The following AOAH variants were observed in gnomAD, a reference collection of about 807,000 sequenced individuals.
The protein encoded by AOAH is acyloxyacyl hydrolase, also known as acyloxyacyl hydrolase (neutrophil).
AOAH carries 64 observed loss-of-function variants against 92.2 expected under a neutral mutation model. The observed-to-expected ratio is 0.69, with a 90% CI of 0.57 to 0.86. The LOEUF is 0.86. AOAH is among the 40% of genes least tolerant of loss of function. AOAH has a pLI of 0.00. For missense variants in AOAH, 656 were observed against 694.6 expected (o/e 0.94, Z 0.62); for synonymous variants, 263 against 254.5 (o/e 1.03, Z -0.32).
intron 2 of AOAH, among the ~76,000 whole-genome samples, chr7:36,674,293 T>C (rs529424255): frequency 6.6e-6 from 1 of 152,376 alleles, no homozygotes; most frequent in East Asian, 1.9e-4. Flanking sequence ...TTTCTTTCTT[T>C]TTTTTCTACA....
chr7:36,530,343 T>G (rs1358211915), intron 19 of AOAH, 75 bp downstream of exon 19: 13 of 1,071,514 alleles, frequency 1.2e-5, no homozygotes, highest in Admixed American at 1.7e-5. Flanking sequence ...CTTATAAAAG[T>G]ATAAAACCAG....
chr7:36,660,522 G>A (rs986666776), intron 3 of AOAH, among the ~76,000 whole-genome samples: 8 of 152,058 alleles, frequency 5.3e-5, no homozygotes, highest in African/African-American at 9.7e-5. Flanking sequence ...TCACTGTGTC[G>A]GTCAGGCTGG....
At chr7:36,517,220 C>CTTTCTTTT (rs1562854015) in intron 20 of AOAH, among the ~76,000 whole-genome samples, 1 of 54,170 alleles carries the variant, frequency 1.8e-5, no homozygotes, top group Admixed American at 2.3e-4. Context: ...CTTTCTCTTT[C>CTTTCTTTT]TTTCTGTCTC....
chr7:36,624,652 G>A (rs535736942), intron 6 of AOAH, among the ~76,000 whole-genome samples: 1 of 152,344 alleles, frequency 6.6e-6, no homozygotes, highest in Non-Finnish European at 1.5e-5. Context: ...GGAGAAGTTG[G>A]TTTCCCGCTC....
At chr7:36,531,599 C>A (rs1170102755) in intron 18 of AOAH, among the ~76,000 whole-genome samples, 1 of 152,186 alleles carries the variant, frequency 6.6e-6, no homozygotes, top group Admixed American at 6.5e-5. Flanking sequence ...CCTCCCACCT[C>A]AGCCTCCCAA....
At chr7:36,672,461 G>C (rs1447812927) in intron 3 of AOAH, among the ~76,000 whole-genome samples, 2 of 152,194 alleles carry the variant, frequency 1.3e-5, no homozygotes, top group African/African-American at 4.8e-5. Context: ...ATGAGTGCTC[G>C]TCCTTTGCAG....
chr7:36,583,153 C>CA (rs1350978630), intron 12 of AOAH, among the ~76,000 whole-genome samples: 1 of 152,066 alleles, frequency 6.6e-6, no homozygotes, highest in Non-Finnish European at 1.5e-5. Context: ...TATGAGTCTC[C>CA]ATTAAGTTGA....
intron 3 of AOAH, among the ~76,000 whole-genome samples, chr7:36,662,615 T>C (rs1030545658): frequency 1.3e-5 from 2 of 152,368 alleles, no homozygotes; most frequent in South Asian, 2.1e-4. Flanking sequence ...AATAGGGCTC[T>C]GGTTAATCTT....
intron 12 of AOAH, among the ~76,000 whole-genome samples, chr7:36,587,651 A>C (rs1403383882): frequency 6.6e-6 from 1 of 152,178 alleles, no homozygotes; most frequent in East Asian, 1.9e-4. Flanking sequence ...ATTTTTGTTA[A>C]TATTGCTACA....
chr7:36,541,420 G>A (rs1785416892), intron 15 of AOAH, among the ~76,000 whole-genome samples: 2 of 152,214 alleles, frequency 1.3e-5, no homozygotes, highest in Non-Finnish European at 1.5e-5. Flanking sequence ...GCTCCTAAGT[G>A]AGCTGAAAGT....
In AOAH at chr7:36,706,295, G is replaced by A. The variant is rs116437988; in HGVS notation, c.127+17727C>T. On this transcript the variant is annotated intron_variant, in intron 1 of 20. Transcript: ENST00000617537. ...CTGTACCTCTTCATCAGCGCTCTTG[G>A]ATGACCAGGTGCATTGTCAATGAGC... Among the ~76,000 whole-genome samples the A allele has an allele frequency of 3.9e-3, 587 of 152,210 alleles. 8 individuals carry two copies. Among genetic ancestry groups the A allele is most frequent in the African/African-American group, 0.014 (562 of 41,554 alleles).
chr7:36,545,809 T>C (rs1785767624), intron 15 of AOAH, among the ~76,000 whole-genome samples: 1 of 152,240 alleles, frequency 6.6e-6, no homozygotes, highest in Admixed American at 6.5e-5. Context: ...GTTTCAGGGA[T>C]GCTGCGCTGG....
At chr7:36,567,128 A>G (rs1787772546) in intron 13 of AOAH, among the ~76,000 whole-genome samples, 1 of 152,090 alleles carries the variant, frequency 6.6e-6, no homozygotes, top group African/African-American at 2.4e-5. Flanking sequence ...CTAAAACTTA[A>G]ATAAATTTTC....
At chr7:36,543,947 C>CTTTCTTTTTTTT (rs55745823) in intron 15 of AOAH, among the ~76,000 whole-genome samples, 69 of 90,996 alleles carry the variant, frequency 7.6e-4, no homozygotes, top group South Asian at 8.6e-4. Flanking sequence ...TTCTTTCTTT[C>CTTTCTTTTTTTT]TTTTTTTTTT....
At position 36,714,439 on chromosome 7, in the gene AOAH, T is replaced by A. The variant is rs543731286; in HGVS notation, c.127+9583A>T. Among the ~76,000 whole-genome samples, 4 of 152,218 alleles carry A rather than the reference T, an allele frequency of 2.6e-5. No homozygotes were observed. In the South Asian group the frequency reaches 8.3e-4, roughly 32 times the overall value. On this transcript the variant is annotated intron_variant, in intron 1 of 20. Coordinates refer to ENST00000617537, the MANE Select transcript of AOAH (RefSeq NM_001637.4). ...ACCATTCCTTCTGAAACTATTCCAA[T>A]CAATAGAAAAAGAGGGAATCCTCCC...
chr7:36,712,104 G>A (rs1051737068), intron 1 of AOAH, among the ~76,000 whole-genome samples: 2 of 152,194 alleles, frequency 1.3e-5, no homozygotes, highest in African/African-American at 2.4e-5. Context: ...ATTTCTGTGT[G>A]TCTAAGTCGT....
intron 12 of AOAH, among the ~76,000 whole-genome samples, chr7:36,585,167 G>A (rs1213672539): frequency 1.3e-5 from 2 of 151,996 alleles, no homozygotes; most frequent in African/African-American, 2.4e-5. Flanking sequence ...AAATGTAGCT[G>A]AAGACAGAGA....
intron 4 of AOAH, among the ~76,000 whole-genome samples, chr7:36,645,668 A>G (rs1794181081): frequency 6.6e-6 from 1 of 152,282 alleles, no homozygotes; most frequent in Admixed American, 6.5e-5. Flanking sequence ...ATGTAGCTCT[A>G]TCAAAGCCTA....
intron 1 of AOAH, among the ~76,000 whole-genome samples, chr7:36,711,269 T>C (rs190055081): frequency 4.6e-5 from 7 of 152,338 alleles, no homozygotes; most frequent in African/African-American, 1.7e-4. Flanking sequence ...ATGGGGATTT[T>C]ACTCTGCTTA....
Sources: gnomAD v4.1 joint callset for allele counts (sites outside exome capture counted in the v4.1 genomes callset) on GRCh38, gnomAD v4.1.1 for gene constraint, MANE v1.5 for transcripts, NCBI Gene and HGNC (gene_info 2026-07-23, HGNC 2026-07-21) for gene names.